CA10: variants seen among roughly 807,000 people sequenced by gnomAD.
CA10 encodes carbonic anhydrase 10 (inactive).
Under a neutral mutation model 44.2 loss-of-function variants are expected in CA10, and 14 were observed. The observed-to-expected ratio is 0.32, with a 90% CI of 0.21 to 0.50. The LOEUF (loss-of-function observed/expected upper bound fraction) is 0.50, where lower values mean the gene tolerates loss of function less well. CA10 is among the 20% of genes least tolerant of loss of function. The probability of loss-of-function intolerance (pLI) is 0.99; values close to 1 mark genes in which losing one functional copy is unlikely to be tolerated. For synonymous variants in CA10, 159 were observed against 141.6 expected (o/e 1.12, Z -0.87); for missense variants, 350 against 409.7 (o/e 0.85, Z 1.26).
intron 2 of CA10, among the ~76,000 whole-genome samples, chr17:51,961,033 A>C (rs1983866928): frequency 6.6e-6 from 1 of 152,198 alleles, no homozygotes; most frequent in Non-Finnish European, 1.5e-5. Flanking sequence ...GCAGAAGAAG[A>C]CATTCTAACT....
intron 3 of CA10, among the ~76,000 whole-genome samples, chr17:51,887,190 G>GAA (rs11298602): frequency 1.4e-5 from 2 of 145,306 alleles, no homozygotes; most frequent in Non-Finnish European, 3.0e-5. Flanking sequence ...GGAAAAAAAT[G>GAA]AAAAAAAAAA....
At chr17:51,910,165 G>A (rs1056804094) in intron 3 of CA10, among the ~76,000 whole-genome samples, 2 of 152,070 alleles carry the variant, frequency 1.3e-5, no homozygotes, top group Non-Finnish European at 1.5e-5. Context: ...GTGGGGGGAG[G>A]AGAGGCTTAG....
rs767342083 is a variant in CA10 at position 51,653,615 on chromosome 17, A to C, written c.561+26T>G. 4 of 1,179,294 alleles carry C rather than the reference A, an allele frequency of 3.4e-6. No homozygotes were observed. The South Asian group carries it at 4.9e-5, about 14-fold the overall frequency. The allele number at this position is 1,179,294 out of a possible 1,614,324, so 73.1% of individuals were successfully genotyped here. A position where few individuals can be genotyped will look rare whatever the true frequency, so the allele number is the denominator to read the frequency against. Reference sequence around the variant, plus strand: ...TCTGATTGAGGTGGGGATGGTGAGAAGAATGAAGGAATGCAAGAGACTTAC... The same window carrying C: ...TCTGATTGAGGTGGGGATGGTGAGACGAATGAAGGAATGCAAGAGACTTAC... On this transcript the variant is annotated intron_variant, in intron 5 of 8. Transcript: ENST00000451037.
intron 3 of CA10, among the ~76,000 whole-genome samples, chr17:51,870,295 T>C (rs1979743383): frequency 1.3e-5 from 2 of 152,238 alleles, no homozygotes; most frequent in Admixed American, 1.3e-4. Flanking sequence ...TTATAGGGCA[T>C]GCTATGCTAT....
intron 3 of CA10, among the ~76,000 whole-genome samples, chr17:51,889,179 T>C (rs1039251180): frequency 1.3e-5 from 2 of 152,246 alleles, no homozygotes; most frequent in East Asian, 3.9e-4. Context: ...GTGGAAGTCA[T>C]GCAGTGTCAC....
chr17:51,684,227 A>T (rs1914936954), intron 4 of CA10, among the ~76,000 whole-genome samples: 1 of 152,158 alleles, frequency 6.6e-6, no homozygotes, highest in South Asian at 2.1e-4. Context: ...GCTGGCTTTG[A>T]AGATGGATTC....
chr17:52,076,331 C>A (rs895510494), intron 1 of CA10, among the ~76,000 whole-genome samples: 1 of 152,226 alleles, frequency 6.6e-6, no homozygotes, highest in Non-Finnish European at 1.5e-5. Flanking sequence ...TTTGCTCTTT[C>A]TTCATCTCCA....
At chr17:51,869,668 G>A (rs1979717162) in intron 3 of CA10, among the ~76,000 whole-genome samples, 1 of 152,124 alleles carries the variant, frequency 6.6e-6, no homozygotes, top group African/African-American at 2.4e-5. Context: ...CCAGAACTTT[G>A]GGAGGCTGAG....
In CA10 at chr17:51,653,571, A is replaced by G. The variant is rs939973367; in HGVS notation, c.561+70T>C. 3.1e-5 allele frequency: 27 copies of G among 880,884 alleles called. No homozygotes were observed. In the African/African-American group the frequency reaches 4.3e-4, roughly 14 times the overall value. 54.6% of individuals were successfully genotyped at this position (880,884 alleles called of 1,614,324 possible). A position where few individuals can be genotyped will look rare whatever the true frequency, so the allele number is the denominator to read the frequency against. Reference sequence around the variant, plus strand: ...CCCTTTTAATATTTCTAACTCCAACAGAGACCGTAAATTGGTATTCTGATT... The same window carrying G: ...CCCTTTTAATATTTCTAACTCCAACGGAGACCGTAAATTGGTATTCTGATT... On this transcript the variant is annotated intron_variant, in intron 5 of 8. Coordinates refer to ENST00000451037, the MANE Select transcript of CA10 (RefSeq NM_020178.5).
intron 2 of CA10, among the ~76,000 whole-genome samples, chr17:51,955,530 C>CT (rs879744785): frequency 3.9e-5 from 6 of 152,110 alleles, no homozygotes; most frequent in Admixed American, 3.9e-4. Context: ...CATGCTTTTA[C>CT]TTTTTTCCCC....
At chr17:51,831,689 A>AGCGGCAGCAGCGGCAGCAGCG (rs1908262738) in intron 3 of CA10, among the ~76,000 whole-genome samples, 1 of 78,630 alleles carries the variant, frequency 1.3e-5, no homozygotes, top group African/African-American at 4.0e-5. Flanking sequence ...CAGCAGCAGC[A>AGCGGCAGCAGCGGCAGCAGCG]GCAGCAGCAG....
At chr17:51,993,816 C>G (rs1262714239) in intron 2 of CA10, among the ~76,000 whole-genome samples, 2 of 151,774 alleles carry the variant, frequency 1.3e-5, no homozygotes, top group Non-Finnish European at 2.9e-5. Context: ...TCTTCTACCT[C>G]CCTCCTTCCT....
At position 51,678,743 on chromosome 17, in the gene CA10, C is replaced by T. The variant is rs140045938; in HGVS notation, c.466-25007G>A. On this transcript the variant is annotated intron_variant, in intron 4 of 8. Transcript: ENST00000451037. Reference sequence around the variant, plus strand: ...AAGGAGAAGGATGCAGGCAAGTTCTCCTGAGAGACAGATCCAGGAGCATAA... The same window carrying T: ...AAGGAGAAGGATGCAGGCAAGTTCTTCTGAGAGACAGATCCAGGAGCATAA... Among the ~76,000 whole-genome samples the T allele has an allele frequency of 2.2e-3, 332 of 152,346 alleles. 1 individual carries two copies. Among genetic ancestry groups the T allele is most frequent in the African/African-American group, 7.7e-3 (320 of 41,572 alleles).
At chr17:51,792,627 T>C (rs1300813733) in intron 3 of CA10, among the ~76,000 whole-genome samples, 1 of 152,182 alleles carries the variant, frequency 6.6e-6, no homozygotes, top group African/African-American at 2.4e-5. Flanking sequence ...CGGTAGCTAT[T>C]AATTACGCTT....
intron 3 of CA10, among the ~76,000 whole-genome samples, chr17:51,784,438 C>A (rs926471146): frequency 6.6e-6 from 1 of 152,170 alleles, no homozygotes; most frequent in African/African-American, 2.4e-5. Flanking sequence ...CTCATCAAAA[C>A]CTACTATGGA....
At chr17:51,954,525 C>T (rs952724447) in intron 2 of CA10, among the ~76,000 whole-genome samples, 2 of 152,078 alleles carry the variant, frequency 1.3e-5, no homozygotes, top group African/African-American at 2.4e-5. Flanking sequence ...AAATAATGCT[C>T]TCTGGTTTAT....
chr17:52,108,526 G>A (rs1223842478), intron 1 of CA10, among the ~76,000 whole-genome samples: 7 of 151,150 alleles, frequency 4.6e-5, no homozygotes, highest in East Asian at 3.9e-4. Flanking sequence ...CTGAAACCCC[G>A]TCTCTACTAA....
intron 1 of CA10, among the ~76,000 whole-genome samples, chr17:52,129,018 A>T (rs1199011316): frequency 6.6e-6 from 1 of 152,178 alleles, no homozygotes; most frequent in Non-Finnish European, 1.5e-5. Flanking sequence ...CTGAAATAAC[A>T]TATAACAAAC....
At chr17:52,018,782 T>C (rs1223358097) in intron 2 of CA10, among the ~76,000 whole-genome samples, 1 of 152,032 alleles carries the variant, frequency 6.6e-6, no homozygotes, top group Non-Finnish European at 1.5e-5. Flanking sequence ...GAAGAAGTAA[T>C]ATGGTATGGA....
Sources: allele counts gnomAD v4.1 joint callset (sites outside exome capture counted in the v4.1 genomes callset), GRCh38; gene constraint gnomAD v4.1.1; transcripts MANE v1.5; gene names NCBI Gene and HGNC (gene_info 2026-07-23, HGNC 2026-07-21).